CCDC15: variants seen among roughly 807,000 people sequenced by gnomAD.
The protein encoded by CCDC15 is coiled-coil domain containing 15.
A neutral mutation model predicts 114.5 loss-of-function variants in CCDC15; 105 were observed. That is an observed-to-expected ratio of 0.92 (90% CI 0.78 to 1.08). CCDC15 has a LOEUF of 1.08. Among genes scored for constraint, CCDC15 ranks in the 50% least tolerant of loss-of-function variants. The pLI is 0.00. For missense variants in CCDC15, 1,105 were observed against 1,093.6 expected (o/e 1.01, Z -0.15); for synonymous variants, 334 against 377.8 (o/e 0.88, Z 1.34).
At chr11:125,025,031 T>C (rs1267029666) in intron 13 of CCDC15, among the ~76,000 whole-genome samples, 1 of 136,588 alleles carries the variant, frequency 7.3e-6, no homozygotes, top group African/African-American at 2.8e-5. Flanking sequence ...TGAATATATA[T>C]ATGAATACAT....
At chr11:124,963,173 G>T (rs1277580210) in intron 4 of CCDC15, among the ~76,000 whole-genome samples, 1 of 152,116 alleles carries the variant, frequency 6.6e-6, no homozygotes, top group African/African-American at 2.4e-5. Flanking sequence ...GAGATGGCTG[G>T]GTCAAATGGT....
chr11:124,982,823 T>C (rs1291266454), intron 6 of CCDC15, among the ~76,000 whole-genome samples: 1 of 152,204 alleles, frequency 6.6e-6, no homozygotes, highest in East Asian at 1.9e-4. Context: ...TTTCCTGAAT[T>C]TGAATGTTGG....
In CCDC15 at chr11:124,975,168, G is replaced by A. The variant is rs1377917408; in HGVS notation, c.589G>A (p.Val197Met). Residue 197 changes from valine (V) to methionine (M), a missense_variant, in exon 5 of 16, where the codon GTG becomes ATG. Physicochemically the swap from Val to Met is conservative, Grantham distance 21. Coordinates refer to ENST00000344762, the MANE Select transcript of CCDC15 (RefSeq NM_025004.3). ...FKTVIKKKGS[V>M]FPDDGRKSFL... ...AACCGTGATTAAAAAAAAGGGATCA[G>A]TGTTTCCAGATGATGGAAGGAAAAG... 1.2e-6 allele frequency: 2 copies of A among 1,602,688 alleles called. No homozygotes were observed. The highest frequency in any genetic ancestry group is 2.7e-5 in the African/African-American group (2 of 74,068).
intron 7 of CCDC15, 21 bp from the exon 8 acceptor site, chr11:124,987,106 G>A: frequency 6.7e-7 from 1 of 1,481,994 alleles, no homozygotes; most frequent in East Asian, 2.3e-5. Flanking sequence ...TTCTGTATTT[G>A]GTGTTTATGT....
At chr11:124,988,282 A>T in intron 8 of CCDC15, 148 bp downstream of exon 8, 1 of 865,028 alleles carries the variant, frequency 1.2e-6, no homozygotes, top group East Asian at 2.7e-5. Context: ...GAATAAAGTA[A>T]GTCACACAAA....
chr11:124,973,685 G>A (rs866498846), intron 4 of CCDC15, among the ~76,000 whole-genome samples: 29 of 152,020 alleles, frequency 1.9e-4, no homozygotes, highest in Middle Eastern at 3.4e-3. Context: ...GTGCGGTGGC[G>A]CAATCTTGGC....
rs1400422066 is a variant in CCDC15, at chr11:124,959,992, C to T, written c.505C>T (p.Gln169Ter). 3 of 1,562,598 alleles carry T rather than the reference C, an allele frequency of 1.9e-6. No homozygotes were observed. The highest frequency in any genetic ancestry group is 2.6e-6 in the Non-Finnish European group (3 of 1,152,398). ...EENQNELFQQ[Q>*]AQALSETMKQ... The stretch of plus-strand genomic sequence containing the variant: ...GAATCAGAACGAATTATTCCAACAA[C>T]AAGCCCAGGCTGTAAGTACCTGTTC... Residue 169 changes from glutamine (Q) to a stop codon, truncating the protein, a stop_gained, in exon 4 of 16, where the codon CAA becomes TAA. Coordinates refer to ENST00000344762, the MANE Select transcript of CCDC15 (RefSeq NM_025004.3). LOFTEE classifies it high-confidence loss of function.
intron 11 of CCDC15, among the ~76,000 whole-genome samples, chr11:125,001,796 C>G (rs894662882): frequency 6.6e-6 from 1 of 152,138 alleles, no homozygotes; most frequent in African/African-American, 2.4e-5. Context: ...TTTATCAATT[C>G]ATCTATTGAT....
chr11:125,036,760 G>C (rs4561225), intron 13 of CCDC15, among the ~76,000 whole-genome samples: 127,217 of 151,962 alleles, frequency 0.84, 53,838 homozygotes, highest in African/African-American at 0.96. Context: ...TTAACAGACT[G>C]TGATGCATTC....
At chr11:124,983,060 T>G (rs983411930) in intron 6 of CCDC15, among the ~76,000 whole-genome samples, 6 of 152,214 alleles carry the variant, frequency 3.9e-5, no homozygotes, top group African/African-American at 1.4e-4. Context: ...AGCTCTGAGG[T>G]TCTTTCCTCA....
Position 124,993,281 on chromosome 11 carries a change from A to G in CCDC15, c.2214+38A>G, listed in dbSNP as rs541070488. 21 of 1,336,742 alleles carry G rather than the reference A, an allele frequency of 1.6e-5. No individual in the cohort carries two copies. In the African/African-American group the frequency reaches 2.3e-4, roughly 15 times the overall value. The allele number at this position is 1,336,742 out of a possible 1,614,324, so 82.8% of individuals were successfully genotyped here. A position where few individuals can be genotyped will look rare whatever the true frequency, so the allele number is the denominator to read the frequency against. ...CAATATTCAAGATCTAGTCTCTTCT[A>G]GAGAAGTAGAGCAGAATATAGTGAG... On this transcript the variant is annotated intron_variant, in intron 11 of 15. Coordinates refer to ENST00000344762, the MANE Select transcript of CCDC15 (RefSeq NM_025004.3).
chr11:124,990,444 T>C (rs886447480), intron 8 of CCDC15, among the ~76,000 whole-genome samples: 1 of 152,212 alleles, frequency 6.6e-6, no homozygotes, highest in African/African-American at 2.4e-5. Flanking sequence ...GTTGGAAAAG[T>C]GACACCAGTG....
intron 4 of CCDC15, among the ~76,000 whole-genome samples, chr11:124,968,700 T>C (rs1383539124): frequency 6.8e-6 from 1 of 147,668 alleles, no homozygotes; most frequent in Non-Finnish European, 1.5e-5. Context: ...GACAGGTAGC[T>C]CAGTTGGAAA....
intron 13 of CCDC15, among the ~76,000 whole-genome samples, chr11:125,037,784 T>A (rs913970096): frequency 5.3e-5 from 8 of 152,232 alleles, no homozygotes; most frequent in Non-Finnish European, 1.0e-4. Flanking sequence ...TTTAAAACTT[T>A]TTAAATTTTT....
intron 9 of CCDC15, 109 bp downstream of exon 9, chr11:124,991,692 T>G: frequency 9.5e-7 from 1 of 1,048,900 alleles, no homozygotes. Context: ...AAGAATATAG[T>G]GGCTTTTTTC....
intron 13 of CCDC15, among the ~76,000 whole-genome samples, chr11:125,031,350 C>T (rs4271391): frequency 0.2 from 30,904 of 152,158 alleles, 3,746 homozygotes; most frequent in African/African-American, 0.34. Flanking sequence ...GGAGAGAAGG[C>T]AGGGTAGCAG....
chr11:125,027,675 C>T (rs1948713242), intron 13 of CCDC15, among the ~76,000 whole-genome samples: 1 of 151,740 alleles, frequency 6.6e-6, no homozygotes, highest in Admixed American at 6.6e-5. Context: ...TTCTCCCACT[C>T]TGTGGGTTGT....
At chr11:125,032,966 C>T (rs370082432) in intron 13 of CCDC15, among the ~76,000 whole-genome samples, 2 of 152,194 alleles carry the variant, frequency 1.3e-5, no homozygotes, top group South Asian at 2.1e-4. Context: ...TCCCTTTTCC[C>T]AGTGCACAGT....
chr11:124,997,119 A>G lies in CCDC15; in HGVS notation c.2214+3876A>G, dbSNP rs192023168. ...GAATATATCACAGTTTGTTTATTCA[A>G]TCTCCTATTGATGGACATCTGGGTT... On this transcript the variant is annotated intron_variant, in intron 11 of 15. Coordinates refer to ENST00000344762, the MANE Select transcript of CCDC15 (RefSeq NM_025004.3). Among the ~76,000 whole-genome samples the G allele has an allele frequency of 1.5e-4, 23 of 152,192 alleles. 1 individual carries two copies. The South Asian group carries it at 3.5e-3, about 23-fold the overall frequency.
Sources: allele counts gnomAD v4.1 joint callset (sites outside exome capture counted in the v4.1 genomes callset), GRCh38; gene constraint gnomAD v4.1.1; transcripts MANE v1.5; gene names NCBI Gene and HGNC (gene_info 2026-07-23, HGNC 2026-07-21).